RGPD2: variants seen among roughly 807,000 people sequenced by gnomAD.
RGPD2 encodes RANBP2 like and GRIP domain containing 2.
RGPD2 carries 2 observed loss-of-function variants against 36.0 expected under a neutral mutation model. The ratio of observed to expected loss-of-function variants is 0.06; its 90% CI spans 0.02 to 0.17. The LOEUF (loss-of-function observed/expected upper bound fraction) is 0.17. Among genes scored for constraint, RGPD2 ranks in the 10% least tolerant of loss-of-function variants. The pLI, the probability that RGPD2 is intolerant of heterozygous loss-of-function variation, is 1.00. For synonymous variants in RGPD2, 19 were observed against 163.8 expected (o/e 0.12, Z 6.75); for missense variants, 40 against 464.3 (o/e 0.09, Z 8.40).
chr2:87,922,324 G>T, the RGPD2 span, among the ~76,000 whole-genome samples: 99 of 144,904 alleles, frequency 6.8e-4, no homozygotes, highest in African/African-American at 2.4e-3. Flanking sequence ...AACCAAAAAA[G>T]TAATAGGTTT....
At chr2:87,844,454 G>A in the RGPD2 span, among the ~76,000 whole-genome samples, 1 of 150,428 alleles carries the variant, frequency 6.6e-6, no homozygotes, top group Non-Finnish European at 1.5e-5. Context: ...GTACATCTAG[G>A]CTGATAGCAA....
At chr2:87,883,348 C>T in the RGPD2 span, among the ~76,000 whole-genome samples, 2 of 151,688 alleles carry the variant, frequency 1.3e-5, no homozygotes, top group Admixed American at 1.3e-4. Flanking sequence ...CCAAACAATG[C>T]AGTACAGAAG....
the RGPD2 span, among the ~76,000 whole-genome samples, chr2:87,857,732 A>T: frequency 2.0e-5 from 3 of 150,372 alleles, no homozygotes; most frequent in Admixed American, 6.6e-5. Context: ...AAGTCAGGAG[A>T]TTGAGACCAT....
chr2:87,958,693 G>A, the RGPD2 span, among the ~76,000 whole-genome samples: 29 of 152,248 alleles, frequency 1.9e-4, no homozygotes, highest in African/African-American at 5.8e-4. Context: ...ACATGTTTAA[G>A]TTTGTTACAT....
intron 4 of RGPD2, among the ~76,000 whole-genome samples, chr2:87,815,398 G>A (rs1686259429): frequency 4.4e-5 from 1 of 22,708 alleles, no homozygotes; most frequent in Admixed American, 4.5e-4. Flanking sequence ...AAAAATTTCA[G>A]ATTTTGGAGC....
the RGPD2 span, among the ~76,000 whole-genome samples, chr2:87,975,568 A>AT: frequency 6.8e-6 from 1 of 146,286 alleles, no homozygotes; most frequent in Non-Finnish European, 1.5e-5. Context: ...GGATCCCCAC[A>AT]TCCTTCGGGG....
At chr2:87,943,342 A>C in the RGPD2 span, among the ~76,000 whole-genome samples, 1 of 149,792 alleles carries the variant, frequency 6.7e-6, no homozygotes, top group African/African-American at 2.5e-5. Flanking sequence ...ATTTACGTTC[A>C]CTAATGATTA....
the RGPD2 span, among the ~76,000 whole-genome samples, chr2:87,836,347 A>G: frequency 2.6e-5 from 4 of 151,890 alleles, no homozygotes; most frequent in African/African-American, 7.2e-5. Context: ...GGAAGGAAAA[A>G]AAAGAAAAGA....
At chr2:87,874,202 C>A in the RGPD2 span, among the ~76,000 whole-genome samples, 15 of 137,298 alleles carry the variant, frequency 1.1e-4, no homozygotes, top group Non-Finnish European at 1.7e-4. Flanking sequence ...TTTTCCTGTG[C>A]AGAAGCTCTT....
the RGPD2 span, among the ~76,000 whole-genome samples, chr2:87,852,444 C>T: frequency 9.6e-4 from 146 of 151,922 alleles, no homozygotes; most frequent in African/African-American, 3.4e-3. Flanking sequence ...CTAATGACAG[C>T]ATTCTCATTA....
At chr2:87,888,500 T>C in the RGPD2 span, among the ~76,000 whole-genome samples, 13 of 107,566 alleles carry the variant, frequency 1.2e-4, no homozygotes, top group Non-Finnish European at 2.3e-4. Flanking sequence ...AGTAAAAACA[T>C]TGGATGTGAT....
chr2:87,953,755 CT>C, the RGPD2 span, among the ~76,000 whole-genome samples: 1 of 96,702 alleles, frequency 1.0e-5, no homozygotes, highest in African/African-American at 3.8e-5. Context: ...ACATATATCT[CT>C]TTGTGCTCAC....
the RGPD2 span, among the ~76,000 whole-genome samples, chr2:87,864,797 GTTA>G: frequency 6.6e-6 from 1 of 152,004 alleles, no homozygotes; most frequent in African/African-American, 2.4e-5. Flanking sequence ...TTCCAGTTAG[GTTA>G]TTATTAATTT....
the RGPD2 span, among the ~76,000 whole-genome samples, chr2:87,866,654 C>G: frequency 2.6e-5 from 4 of 152,256 alleles, no homozygotes; most frequent in East Asian, 3.8e-4. Flanking sequence ...TTCTCACCCC[C>G]CTTCCCTCCT....
chr2:87,876,063 A>T, the RGPD2 span, among the ~76,000 whole-genome samples: 20 of 151,498 alleles, frequency 1.3e-4, no homozygotes, highest in East Asian at 3.5e-3. Flanking sequence ...TATCCCCTTT[A>T]TCATTTCTGA....
intron 21 of RGPD2, among the ~76,000 whole-genome samples, chr2:87,772,630 G>C (rs1458942583): frequency 1.8e-5 from 1 of 54,642 alleles, no homozygotes; most frequent in Non-Finnish European, 3.6e-5. Flanking sequence ...CTAGAAAGTG[G>C]ATTGCTGCAT....
the RGPD2 span, among the ~76,000 whole-genome samples, chr2:87,971,435 A>ATATATATAATATGCATATTATATATAAG: frequency 2.6e-5 from 1 of 38,996 alleles, no homozygotes; most frequent in African/African-American, 7.2e-5. Flanking sequence ...TTATAGACAT[A>ATATATATAATATGCATATTATATATAAG]TATATATAAT....
the RGPD2 span, among the ~76,000 whole-genome samples, chr2:87,842,458 C>A: frequency 1.3e-5 from 2 of 149,878 alleles, no homozygotes; most frequent in Non-Finnish European, 2.9e-5. Context: ...CTCCCATTCA[C>A]AATTGCTTCA....
chr2:87,780,189 G>GT (rs1485028764), intron 20 of RGPD2, among the ~76,000 whole-genome samples: 1 of 25,642 alleles, frequency 3.9e-5, no homozygotes, highest in African/African-American at 1.8e-4. Context: ...ACAGTACACC[G>GT]TAAGATACAG....
Sources: gnomAD v4.1 joint callset for allele counts (sites outside exome capture counted in the v4.1 genomes callset) on GRCh38, gnomAD v4.1.1 for gene constraint, MANE v1.5 for transcripts, NCBI Gene and HGNC (gene_info 2026-07-23, HGNC 2026-07-21) for gene names.